Variants in SSC5D observed in about 807,000 individuals in gnomAD.
SSC5D encodes scavenger receptor cysteine rich family member with 5 domains, also known as soluble scavenger receptor cysteine-rich domain-containing protein SSC5D.
SSC5D carries 106 observed loss-of-function variants against 104.6 expected under a neutral mutation model. The ratio of observed to expected loss-of-function variants is 1.01; its 90% CI spans 0.87 to 1.19. SSC5D has a LOEUF of 1.19. SSC5D is among the 50% of genes most tolerant of loss of function. The pLI is 0.00. For synonymous variants in SSC5D, 860 were observed against 883.5 expected (o/e 0.97, Z 0.47); for missense variants, 1,993 against 2,153.8 (o/e 0.93, Z 1.48).
Position 55,500,042 on chromosome 19 carries a change from A to G in SSC5D, c.1932A>G (p.Pro644=). The G allele has an allele frequency of 8.4e-6, 13 of 1,551,808 alleles. No homozygotes were observed. Among genetic ancestry groups the G allele is most frequent in the Non-Finnish European group, 1.1e-5 (13 of 1,147,018 alleles). ...CAAAGAGACCAACCACTCAACCCCC[A>G]GTGATGCCAACCACGAAACACTCCA... The part of the protein sequence containing the change: ...KNAKRPTTQP[P]VMPTTKHSRA... The change falls in exon 10 of 14, where the codon CCA becomes CCG. Residue 644 remains proline (P), a synonymous_variant. Coordinates refer to ENST00000389623, the MANE Select transcript of SSC5D (RefSeq NM_001144950.2). This position sits in a 1 kb window ranked among gnomAD's most constrained non-coding sequence, Gnocchi z 4.6.
intron 13 of SSC5D, among the ~76,000 whole-genome samples, chr19:55,515,873 G>A (rs1378365718): frequency 1.3e-5 from 2 of 152,178 alleles, no homozygotes; most frequent in African/African-American, 4.8e-5. Flanking sequence ...TCCCATCACT[G>A]CAGATGTGAG....
In SSC5D at chr19:55,518,959, C is replaced by T; in HGVS notation, c.4683C>T (p.Thr1561=). ...TTSMPAPTTT[T]PEEEERPLRG... is the part of the protein sequence containing the mutation. Reference sequence around the variant, plus strand: ...GCATGCCTGCACCAACCACCACTACCCCAGAGGAAGAAGAAAGACCCCTGA... The same window carrying T: ...GCATGCCTGCACCAACCACCACTACTCCAGAGGAAGAAGAAAGACCCCTGA... Residue 1561 remains threonine (T), a synonymous_variant, in exon 14 of 14, where the codon ACC becomes ACT. Transcript: ENST00000389623. 6.4e-7 allele frequency: 1 copy of T among 1,550,394 alleles called. No homozygotes were observed. Among genetic ancestry groups the T allele is most frequent in the Non-Finnish European group, 8.7e-7 (1 of 1,146,954 alleles).
intron 7 of SSC5D, 145 bp from the exon 8 acceptor site, chr19:55,494,465 G>A (rs1172135699): frequency 5.7e-6 from 5 of 880,734 alleles, no homozygotes; most frequent in African/African-American, 3.4e-5. Flanking sequence ...GGAAAGCGTG[G>A]GCTGTGTCTA....
At chr19:55,507,682 A>C (rs923776572) in intron 12 of SSC5D, among the ~76,000 whole-genome samples, 3 of 151,042 alleles carry the variant, frequency 2.0e-5, no homozygotes, top group Admixed American at 1.3e-4. Flanking sequence ...AAAAAAAAAA[A>C]AAAAAAGAAA....
intron 6 of SSC5D, 130 bp from the exon 7 acceptor site, chr19:55,493,465 C>T: frequency 1.2e-6 from 1 of 836,656 alleles, no homozygotes; most frequent in Non-Finnish European, 1.7e-6. Flanking sequence ...ACCTTTTCCT[C>T]ATTTGGATAG....
rs781774065 is a variant in SSC5D, at chr19:55,489,491, G to T, written c.190G>T (p.Gly64Ter). 2 of 1,472,266 alleles carry T rather than the reference G, an allele frequency of 1.4e-6. No individual in the cohort carries two copies. The highest frequency in any genetic ancestry group is 1.8e-6 in the Non-Finnish European group (2 of 1,118,792). 91.2% of individuals were successfully genotyped at this position (1,472,266 alleles called of 1,614,324 possible). A position where few individuals can be genotyped will look rare whatever the true frequency, so the allele number is the denominator to read the frequency against. Reference sequence around the variant, plus strand: ...CGTGGCCTGCCGGCAGCTGGGCTGCGGAGGGGCACTGGCCGCCCCGGGAGG... The same window carrying T: ...CGTGGCCTGCCGGCAGCTGGGCTGCTGAGGGGCACTGGCCGCCCCGGGAGG... ...AAVACRQLGCGGALAAPGGAF... is the reference protein window; with the variant it reads ...AAVACRQLGC The change falls in exon 3 of 14, where the codon GGA (glycine) becomes TGA (stop). Residue 64 changes from glycine to a stop codon, truncating the protein, a stop_gained. Transcript: ENST00000389623. LOFTEE classifies it high-confidence loss of function.
At chr19:55,489,263 C>G in intron 2 of SSC5D, 91 bp from the exon 3 acceptor site, 1 of 1,356,858 alleles carries the variant, frequency 7.4e-7, no homozygotes, top group Non-Finnish European at 9.6e-7. Flanking sequence ...CAGACAGTAC[C>G]TGCAGGACAG....
At chr19:55,499,061 G>A (rs112139741) in intron 9 of SSC5D, among the ~76,000 whole-genome samples, 85 of 152,152 alleles carry the variant, frequency 5.6e-4, no homozygotes, top group African/African-American at 1.9e-3. Context: ...CCAAGCCTTG[G>A]CATCCAGAGT....
At chr19:55,502,413 C>G (rs1443991399) in intron 12 of SSC5D, among the ~76,000 whole-genome samples, 1 of 151,410 alleles carries the variant, frequency 6.6e-6, no homozygotes, top group Non-Finnish European at 1.5e-5. Flanking sequence ...CCCTGTCTTT[C>G]TTTTTCAATT....
chr19:55,489,688 AG>A, intron 3 of SSC5D, 26 bp downstream of exon 3: 1 of 1,524,594 alleles, frequency 6.6e-7, no homozygotes, highest in African/African-American at 1.4e-5. Context: ...CTGCTCCTTC[AG>A]GGGGAGCTCC....
chr19:55,498,278 T>C (rs746839972), intron 9 of SSC5D, 81 bp downstream of exon 9: 9 of 1,415,766 alleles, frequency 6.4e-6, no homozygotes, highest in African/African-American at 2.8e-5. Context: ...CTAACATTGA[T>C]TGAGTGCTTC....
chr19:55,504,397 G>C, intron 12 of SSC5D: 1 of 1,270,888 alleles, frequency 7.9e-7, no homozygotes, highest in Non-Finnish European at 1.0e-6. Flanking sequence ...ATGCGGGGTG[G>C]AGTGGGAGAC....
Position 55,494,724 on chromosome 19 carries a change from C to A in SSC5D, c.1328C>A (p.Ala443Glu). Residue 443 changes from alanine (A) to glutamate (E), a missense_variant, in exon 8 of 14, where the codon GCA becomes GAA. Transcript: ENST00000389623. ...STMTSQAPGT[A>E]GVSPPPASPT... ...ATGACGAGCCAGGCTCCAGGGACGGCAGGCGTTTCACCTCCTCCAGCCTCC... is the reference window on the plus strand; with the variant it reads ...ATGACGAGCCAGGCTCCAGGGACGGAAGGCGTTTCACCTCCTCCAGCCTCC... 1.3e-6 allele frequency: 2 copies of A among 1,550,354 alleles called. No homozygotes were observed. Among genetic ancestry groups the A allele is most frequent in the South Asian group, 2.4e-5 (2 of 84,006 alleles).
chr19:55,517,406 G>T lies in SSC5D; in HGVS notation c.3130G>T (p.Ala1044Ser), dbSNP rs1385336925. 3 of 1,550,824 alleles carry T rather than the reference G, an allele frequency of 1.9e-6. No individual in the cohort carries two copies. In the African/African-American group the frequency reaches 4.1e-5, roughly 21 times the overall value. ...SALTSEATSDAPDTSPPTPDP... is the reference protein window; with the variant it reads ...SALTSEATSDSPDTSPPTPDP... ...CTTGACGTCCGAGGCGACCTCTGAC[G>T]CTCCGGACACTTCACCACCCACCCC... Residue 1044 changes from alanine to serine, a missense_variant, in exon 14 of 14, where the codon GCT becomes TCT. Around this residue, in one of 6 missense-constraint regions of SSC5D, gnomAD observed 423 missense variants for 409.2 expected, o/e 1.03. Transcript: ENST00000389623.
Position 55,500,132 on chromosome 19 carries a change from A to C in SSC5D, c.2022A>C (p.Arg674=). Residue 674 remains arginine (R), a synonymous_variant, in exon 10 of 14, where the codon CGA becomes CGC. Transcript: ENST00000389623. This position sits in a 1 kb window ranked among gnomAD's most constrained non-coding sequence, Gnocchi z 4.6. ...TTAALTTEAS[R]RPTSEFTRRP... is the part of the protein sequence containing the mutation. The stretch of plus-strand genomic sequence containing the variant: ...CAGCACTGACCACTGAGGCCTCCCG[A>C]AGACCTACCTCTGAGTTTACCAGAA... 6.4e-7 allele frequency: 1 copy of C among 1,551,526 alleles called. No individual in the cohort carries two copies. The highest frequency in any genetic ancestry group is 8.7e-7 in the Non-Finnish European group (1 of 1,146,908).
Position 55,493,691 on chromosome 19 carries a change from A to C in SSC5D, c.992A>C (p.Asp331Ala). Residue 331 changes from aspartate (D) to alanine (A), a missense_variant, in exon 7 of 14, where the codon GAC (aspartate) becomes GCC (alanine). Physicochemically the swap from Asp to Ala is moderately radical, Grantham distance 126 (BLOSUM62 -2). This residue lies in a region of SSC5D where 1,101 missense variants were observed against 1,085.0 expected (regional missense o/e 1.01). Transcript: ENST00000389623. Reference sequence around the variant, plus strand: ...GGTCGCTGGGGGTCGGTGTGTGACGACGCCTGGGACCTGCGAGACGCCGCT... The same window carrying C: ...GGTCGCTGGGGGTCGGTGTGTGACGCCGCCTGGGACCTGCGAGACGCCGCT... ...HGGRWGSVCD[D>A]AWDLRDAAVA... is the part of the protein sequence containing the mutation. The C allele has an allele frequency of 3.3e-6, 5 of 1,508,296 alleles. No individual in the cohort carries two copies. In the South Asian group the frequency reaches 5.0e-5, roughly 15 times the overall value. The allele number at this position is 1,508,296 out of a possible 1,614,324, so 93.4% of individuals were successfully genotyped here.
intron 12 of SSC5D, among the ~76,000 whole-genome samples, chr19:55,509,174 T>C (rs1987699433): frequency 6.6e-6 from 1 of 152,148 alleles, no homozygotes; most frequent in South Asian, 2.1e-4. Context: ...TGGGCATCAG[T>C]TTGGCCATCT....
Position 55,493,849 on chromosome 19 carries a change from C to A in SSC5D, c.1150C>A (p.Pro384Thr). The change falls in exon 7 of 14, where the codon CCA (proline) becomes ACA (threonine). Residue 384 changes from proline (P) to threonine (T), a missense_variant. Around this residue, in one of 6 missense-constraint regions of SSC5D, gnomAD observed 1,101 missense variants for 1,085.0 expected, o/e 1.01. Transcript: ENST00000389623. ...AAACGAGACGGCCTTACGATTCTGC[C>A]CAGCTCGGCCCTGGGGCCAGCATGA... Reference protein sequence around the residue: ...RGNETALRFCPARPWGQHDCH... With the variant: ...RGNETALRFCTARPWGQHDCH... 1 of 1,549,416 alleles carries A rather than the reference C, an allele frequency of 6.5e-7. No homozygotes were observed. The highest frequency in any genetic ancestry group is 1.2e-5 in the South Asian group (1 of 84,060).
In SSC5D at chr19:55,491,094, G is replaced by C; in HGVS notation, c.895+14G>C. The C allele has an allele frequency of 6.5e-7, 1 of 1,542,834 alleles. No individual in the cohort carries two copies. The highest frequency in any genetic ancestry group is 8.7e-7 in the Non-Finnish European group (1 of 1,143,450). On this transcript the variant is annotated intron_variant, in intron 6 of 13. Coordinates refer to ENST00000389623, the MANE Select transcript of SSC5D (RefSeq NM_001144950.2). ...TGGTCTGCACCGGTACGTCGGGCTG[G>C]GGCCTGGCCCCCTCCTGTCTTCCTC... is the stretch of plus-strand genomic sequence containing the variant.
Sources: allele counts gnomAD v4.1 joint callset (sites outside exome capture counted in the v4.1 genomes callset), GRCh38; gene constraint gnomAD v4.1.1; regional missense constraint gnomAD v4.1.1; non-coding constraint Gnocchi (gnomAD v3.1); transcripts MANE v1.5; gene names NCBI Gene and HGNC (gene_info 2026-07-23, HGNC 2026-07-21).